The following LOXHD1 variants were observed in gnomAD, a reference collection of about 807,000 sequenced individuals.
LOXHD1 encodes lipoxygenase homology domain-containing protein 1.
In LOXHD1, 205 loss-of-function variants were observed where a neutral mutation model predicts 248.2. That is an observed-to-expected ratio of 0.83 (90% confidence interval 0.74 to 0.93). The LOEUF (loss-of-function observed/expected upper bound fraction) is 0.93, where lower values mean the gene tolerates loss of function less well. Among genes scored for constraint, LOXHD1 ranks in the 40% least tolerant of loss-of-function variants. The probability of loss-of-function intolerance (pLI) is 0.00; values close to 1 mark genes in which losing one functional copy is unlikely to be tolerated. For synonymous variants in LOXHD1, 1,113 were observed against 1,162.8 expected, an observed-to-expected ratio of 0.96 and a Z score of 0.87; for missense variants, 2,930 against 2,971.6, an observed-to-expected ratio of 0.99 and a Z score of 0.33.
chr18:46,619,296 C>T (rs1250699293), intron 4 of LOXHD1, among the ~76,000 whole-genome samples: 2 of 152,188 alleles, frequency 1.3e-5, no homozygotes, highest in Admixed American at 6.5e-5. Context: ...TTCAGAGTCC[C>T]AGCCCCTCTG....
intron 18 of LOXHD1, among the ~76,000 whole-genome samples, chr18:46,562,789 T>A (rs2144032966): frequency 6.6e-6 from 1 of 152,300 alleles, no homozygotes. Context: ...AGGTTCTGAT[T>A]TGCCTGGTAT....
At chr18:46,497,893 G>GA (rs2033975209) in intron 37 of LOXHD1, among the ~76,000 whole-genome samples, 1 of 152,218 alleles carries the variant, frequency 6.6e-6, no homozygotes, top group South Asian at 2.1e-4. Flanking sequence ...CAGACAGGCA[G>GA]ATATAATCAT....
At chr18:46,589,256 A>G (rs1469904746) in intron 12 of LOXHD1, among the ~76,000 whole-genome samples, 2 of 152,176 alleles carry the variant, frequency 1.3e-5, no homozygotes, top group Non-Finnish European at 2.9e-5. Flanking sequence ...CCTGTTAGCA[A>G]TAATGCGAAC....
In LOXHD1 at chr18:46,505,974, C is replaced by T. The variant is rs2034542574; in HGVS notation, c.5742G>A (p.Gly1914=). The change falls in exon 37 of 41, where the codon GGG becomes GGA. Residue 1914 remains glycine (G), a synonymous_variant. Transcript: ENST00000642948. ...GCTTCAGGGCCAGTGTCCCACTATC[C>T]CCGTTCTCCCCGAAGATGATGATGA... ...NVFIIIFGEN[G]DSGTLALKQS... is the part of the protein sequence containing the mutation. 3 of 1,552,166 alleles carry T rather than the reference C, an allele frequency of 1.9e-6. No individual in the cohort carries two copies. The highest frequency in any genetic ancestry group is 2.6e-6 in the Non-Finnish European group (3 of 1,147,100).
At chr18:46,528,362 G>A (rs2035915351) in intron 29 of LOXHD1, among the ~76,000 whole-genome samples, 1 of 152,088 alleles carries the variant, frequency 6.6e-6, no homozygotes, top group Admixed American at 6.5e-5. Flanking sequence ...GGCACAGACT[G>A]GGAGGAGTAG....
intron 20 of LOXHD1, chr18:46,559,096 G>T: frequency 1.6e-6 from 2 of 1,289,264 alleles, no homozygotes; most frequent in Non-Finnish European, 2.0e-6. Flanking sequence ...AGTTTAAGTT[G>T]CTCCCTCCCC....
intron 20 of LOXHD1, among the ~76,000 whole-genome samples, chr18:46,558,516 G>A (rs1167969330): frequency 2.0e-5 from 3 of 152,124 alleles, no homozygotes; most frequent in Non-Finnish European, 4.4e-5. Context: ...ACACTGAAAC[G>A]CAGAAATAAA....
chr18:46,491,627 C>T (rs938447809), intron 37 of LOXHD1, among the ~76,000 whole-genome samples: 2 of 152,146 alleles, frequency 1.3e-5, no homozygotes, highest in African/African-American at 4.8e-5. Context: ...TACCTGGAGA[C>T]GTGGGCCATC....
intron 28 of LOXHD1, among the ~76,000 whole-genome samples, chr18:46,531,135 T>A (rs2036046015): frequency 6.6e-6 from 1 of 151,784 alleles, no homozygotes; most frequent in Admixed American, 6.6e-5. Flanking sequence ...GCCACTACCC[T>A]CCAAAGCTCC....
At chr18:46,564,025 G>A (rs1016856032) in intron 17 of LOXHD1, among the ~76,000 whole-genome samples, 1 of 150,946 alleles carries the variant, frequency 6.6e-6, no homozygotes, top group Non-Finnish European at 1.5e-5. Flanking sequence ...GAATAATATT[G>A]ACATAATAAT....
At chr18:46,577,357 A>C (rs2037877884) in intron 14 of LOXHD1, among the ~76,000 whole-genome samples, 1 of 152,220 alleles carries the variant, frequency 6.6e-6, no homozygotes, top group Admixed American at 6.5e-5. Context: ...AAAACTTTTG[A>C]TTTAAAAGTT....
intron 24 of LOXHD1, among the ~76,000 whole-genome samples, chr18:46,542,367 G>A (rs1485457940): frequency 6.6e-6 from 1 of 152,184 alleles, no homozygotes; most frequent in Non-Finnish European, 1.5e-5. Context: ...GGCTCTGGGG[G>A]TGGAGCCAAG....
intron 25 of LOXHD1, among the ~76,000 whole-genome samples, chr18:46,540,534 C>G (rs991695009): frequency 6.6e-6 from 1 of 152,114 alleles, no homozygotes; most frequent in Non-Finnish European, 1.5e-5. Flanking sequence ...TTTCCTGAGA[C>G]TGGCCAGCAG....
At chr18:46,616,105 G>T (rs368869630) in intron 5 of LOXHD1, among the ~76,000 whole-genome samples, 2 of 151,826 alleles carry the variant, frequency 1.3e-5, no homozygotes, top group East Asian at 1.9e-4. Context: ...CTGGATTTTT[G>T]AATTTTCATC....
intron 37 of LOXHD1, among the ~76,000 whole-genome samples, chr18:46,500,169 G>T (rs943129244): frequency 6.6e-5 from 10 of 151,682 alleles, no homozygotes; most frequent in African/African-American, 1.9e-4. Flanking sequence ...GCTCTACACC[G>T]CCCTTGCTAT....
At chr18:46,483,872 C>A in intron 39 of LOXHD1, 127 bp from the exon 40 acceptor site, 1 of 1,117,576 alleles carries the variant, frequency 8.9e-7, no homozygotes, top group South Asian at 1.5e-5. Flanking sequence ...AGCAGGAGCT[C>A]ATGGCAGTCC....
intron 13 of LOXHD1, among the ~76,000 whole-genome samples, chr18:46,578,847 A>C (rs1446386064): frequency 1.3e-5 from 2 of 152,216 alleles, no homozygotes; most frequent in Non-Finnish European, 2.9e-5. Flanking sequence ...AGCCCACCAC[A>C]GGTAGGCATC....
intron 8 of LOXHD1, among the ~76,000 whole-genome samples, chr18:46,600,625 A>AAGGG (rs1339556389): frequency 9.4e-5 from 8 of 85,430 alleles, no homozygotes; most frequent in African/African-American, 1.7e-4. Context: ...GGAAGGAAGG[A>AAGGG]AGGGAGGGAG....
At chr18:46,544,822 C>T (rs752062896) in intron 23 of LOXHD1, 1 of 471,466 alleles carries the variant, frequency 2.1e-6, no homozygotes. Context: ...TTCAATAATG[C>T]TTGGCACTAG....
Sources: allele counts gnomAD v4.1 joint callset (sites outside exome capture counted in the v4.1 genomes callset), GRCh38; gene constraint gnomAD v4.1.1; transcripts MANE v1.5; gene names NCBI Gene and HGNC (gene_info 2026-07-23, HGNC 2026-07-21).